The following R3HDM1 variants were observed in gnomAD, a reference collection of about 807,000 sequenced individuals.
R3HDM1 encodes the protein R3H domain containing 1.
Under a neutral mutation model 141.1 loss-of-function variants are expected in R3HDM1, and 46 were observed. The observed-to-expected ratio is 0.33, with a 90% confidence interval of 0.26 to 0.42. The LOEUF (loss-of-function observed/expected upper bound fraction) is 0.42, where lower values mean the gene tolerates loss of function less well. Ranked by LOEUF, R3HDM1 falls within the 10% of genes least tolerant of loss-of-function variation. The pLI, the probability that R3HDM1 is intolerant of heterozygous loss-of-function variation, is 1.00. For missense variants in R3HDM1, 1,184 were observed against 1,368.3 expected, an observed-to-expected ratio of 0.87 and a Z score of 2.12; for synonymous variants, 435 against 472.9, an observed-to-expected ratio of 0.92 and a Z score of 1.04.
chr2:135,563,961 TGAGAGCAG>T (rs887567672), intron 1 of R3HDM1, among the ~76,000 whole-genome samples: 1 of 152,038 alleles, frequency 6.6e-6, no homozygotes, highest in Non-Finnish European at 1.5e-5. Flanking sequence ...CATCACATGG[TGAGAGCAG>T]GAGCAAGAGA....
intron 1 of R3HDM1, among the ~76,000 whole-genome samples, chr2:135,555,101 A>G (rs1199542240): frequency 6.6e-6 from 1 of 152,106 alleles, no homozygotes; most frequent in Non-Finnish European, 1.5e-5. Context: ...AGAGATGGAG[A>G]CTTTCCTGGC....
At chr2:135,693,209 C>T (rs1421275965) in intron 21 of R3HDM1, among the ~76,000 whole-genome samples, 1 of 152,104 alleles carries the variant, frequency 6.6e-6, no homozygotes, top group African/African-American at 2.4e-5. Context: ...AATTGGGGTT[C>T]AAAGTTAGTG....
At chr2:135,668,539 GTTGTGTTAGTTTAGA>G (rs1197617313) in intron 19 of R3HDM1, among the ~76,000 whole-genome samples, 1 of 152,182 alleles carries the variant, frequency 6.6e-6, no homozygotes, top group Non-Finnish European at 1.5e-5. Flanking sequence ...GACAATTTTA[GTTGTGTTAGTTTAGA>G]ACAGTTCTTC....
chr2:135,608,619 T>C (rs1316247470), intron 3 of R3HDM1, among the ~76,000 whole-genome samples: 1 of 152,222 alleles, frequency 6.6e-6, no homozygotes, highest in African/African-American at 2.4e-5. Flanking sequence ...TACTTTTAAC[T>C]TAATGTGGAG....
chr2:135,639,708 C>T (rs2063587532), intron 14 of R3HDM1, among the ~76,000 whole-genome samples: 3 of 152,254 alleles, frequency 2.0e-5, no homozygotes, highest in Middle Eastern at 6.8e-3. Flanking sequence ...CTTTTCATTT[C>T]CTCTAACTGG....
At chr2:135,700,080 T>G (rs976686730) in intron 21 of R3HDM1, among the ~76,000 whole-genome samples, 1 of 152,128 alleles carries the variant, frequency 6.6e-6, no homozygotes, top group African/African-American at 2.4e-5. Context: ...TCTAAAATTT[T>G]ATCACAAAGA....
chr2:135,646,159 G>C (rs976765116), intron 16 of R3HDM1, among the ~76,000 whole-genome samples: 1 of 134,562 alleles, frequency 7.4e-6, no homozygotes, highest in Non-Finnish European at 1.6e-5. Context: ...TTTTTGAGAT[G>C]GAGTCTTGCT....
intron 19 of R3HDM1, among the ~76,000 whole-genome samples, chr2:135,662,846 G>A (rs1001066420): frequency 3.3e-5 from 5 of 151,802 alleles, no homozygotes; most frequent in African/African-American, 1.2e-4. Context: ...GTTTTTTCTT[G>A]ATTTTTTTCT....
chr2:135,557,850 A>G (rs1165590511), intron 1 of R3HDM1, among the ~76,000 whole-genome samples: 2 of 152,218 alleles, frequency 1.3e-5, no homozygotes, highest in East Asian at 3.9e-4. Context: ...GGTATTCAAG[A>G]GACAAAAATA....
intron 3 of R3HDM1, chr2:135,607,929 G>A (rs531346129): frequency 2.9e-4 from 288 of 983,822 alleles, no homozygotes; most frequent in South Asian, 7.5e-4. Context: ...CGACTGTAAC[G>A]ATTTGGAAGG....
At chr2:135,568,639 T>G (rs1354752902) in intron 1 of R3HDM1, 1 of 151,952 alleles carries the variant, frequency 6.6e-6, no homozygotes, top group African/African-American at 2.4e-5. Flanking sequence ...CGTGAGCCAC[T>G]TGTGCCCGGC....
intron 1 of R3HDM1, among the ~76,000 whole-genome samples, chr2:135,570,511 G>T (rs184344997): frequency 2.2e-4 from 34 of 152,288 alleles, no homozygotes; most frequent in Non-Finnish European, 3.4e-4. Flanking sequence ...AAAGAGGAGA[G>T]AAAACTTGTT....
rs779520542 is a variant in R3HDM1 at position 135,604,991 on chromosome 2, G to T, written c.146G>T (p.Cys49Phe). The T allele has an allele frequency of 1.9e-6, 3 of 1,607,422 alleles. No homozygotes were observed. The highest frequency in any genetic ancestry group is 2.6e-6 in the Non-Finnish European group (3 of 1,174,782). ...GKILVEKNEH[C>F]IENNIDLQRP... ...ATTTTGGTAGAGAAGAATGAACATT[G>T]TATTGAGAACAATATAGATTTGCAG... Residue 49 changes from cysteine to phenylalanine, a missense_variant, in exon 3 of 27, where the codon TGT becomes TTT. Coordinates refer to ENST00000683871, the MANE Select transcript of R3HDM1 (RefSeq NM_001378107.1).
intron 1 of R3HDM1, among the ~76,000 whole-genome samples, chr2:135,538,500 A>C (rs1285268374): frequency 6.6e-6 from 1 of 152,216 alleles, no homozygotes; most frequent in Non-Finnish European, 1.5e-5. Context: ...AAAATTTTTA[A>C]AGTTTTGACC....
intron 2 of R3HDM1, 70 bp from the exon 3 acceptor site, chr2:135,604,736 C>A: frequency 8.7e-7 from 1 of 1,146,080 alleles, no homozygotes; most frequent in South Asian, 1.3e-5. Flanking sequence ...ACATAACAGA[C>A]AGTAGGTCAG....
At chr2:135,701,223 CAAAAA>C (rs748354211) in intron 21 of R3HDM1, among the ~76,000 whole-genome samples, 1 of 82,430 alleles carries the variant, frequency 1.2e-5, no homozygotes, top group South Asian at 3.6e-4. Context: ...TCATCTCTAC[CAAAAA>C]AAAAAAAAAA....
chr2:135,632,021 A>G lies in R3HDM1; in HGVS notation c.698+20A>G, dbSNP rs745545731. ...AAGAATGTAAGTGTCAAGAGATGTAACTACATATTATATATCTAAATAATA... is the reference window on the plus strand; with the variant it reads ...AAGAATGTAAGTGTCAAGAGATGTAGCTACATATTATATATCTAAATAATA... On this transcript the variant is annotated intron_variant, in intron 9 of 26. Transcript: ENST00000683871. 2.6e-6 allele frequency: 4 copies of G among 1,544,216 alleles called. No homozygotes were observed. Among genetic ancestry groups the G allele is most frequent in the Non-Finnish European group, 3.5e-6 (4 of 1,130,810 alleles).
At chr2:135,562,698 CA>C (rs920874992) in intron 1 of R3HDM1, among the ~76,000 whole-genome samples, 5 of 152,214 alleles carry the variant, frequency 3.3e-5, no homozygotes, top group African/African-American at 1.2e-4. Context: ...TTTAAGTGGC[CA>C]GGTGCTTTCA....
chr2:135,709,239 A>G (rs2075328533), intron 21 of R3HDM1, among the ~76,000 whole-genome samples, 194 bp from the exon 22 acceptor site: 1 of 151,968 alleles, frequency 6.6e-6, no homozygotes, highest in African/African-American at 2.4e-5. Context: ...ACGCCCGGCT[A>G]ATTTCTTGTA....
Sources: allele counts gnomAD v4.1 joint callset (sites outside exome capture counted in the v4.1 genomes callset), GRCh38; gene constraint gnomAD v4.1.1; transcripts MANE v1.5; gene names NCBI Gene and HGNC (gene_info 2026-07-23, HGNC 2026-07-21).